KRT20: variants seen among roughly 807,000 people sequenced by gnomAD.
KRT20 encodes keratin 20.
A neutral mutation model predicts 43.0 loss-of-function variants in KRT20; 41 were observed. The ratio of observed to expected loss-of-function variants is 0.95; its 90% CI spans 0.74 to 1.24. The LOEUF (loss-of-function observed/expected upper bound fraction) is 1.24. KRT20 is among the 50% of genes most tolerant of loss of function. The probability of loss-of-function intolerance (pLI) is 0.00; values close to 1 mark genes in which losing one functional copy is unlikely to be tolerated. For missense variants in KRT20, 533 were observed against 521.2 expected (o/e 1.02, Z -0.22); for synonymous variants, 207 against 200.6 (o/e 1.03, Z -0.27).
rs1445609530 is a variant in KRT20 at position 40,875,966 on chromosome 17, G to C, written c.*395C>G. ...TTCAGAAACAGGAAAAAATTAGAAA[G>C]TGGTTTATTTGCAATTTACATGGAT... On this transcript the variant is annotated 3_prime_UTR_variant, in exon 8 of 8. Transcript: ENST00000167588. 1 of 156,244 alleles carries C rather than the reference G, an allele frequency of 6.4e-6. No homozygotes were observed. Among genetic ancestry groups the C allele is most frequent in the Non-Finnish European group, 1.4e-5 (1 of 70,826 alleles). The allele number at this position is 156,244 out of a possible 1,614,324, so 9.7% of individuals were successfully genotyped here.
In KRT20 at chr17:40,877,401, AC is replaced by A; in HGVS notation, c.1155del (p.Gln385HisfsTer2). ...TTACCTCTCTCTTCCAGGGTGCTTA[AC>A]TGATATTCTGTAGTTCTGTTTTTTT... ...EGEDVKTTEY[Q>X]LSTLEERDIK... On this transcript the variant is annotated frameshift_variant, in exon 7 of 8. Coordinates refer to ENST00000167588, the MANE Select transcript of KRT20 (RefSeq NM_019010.3). LOFTEE classifies it low-confidence loss of function (END_TRUNC). 6.6e-7 allele frequency: 1 copy of A among 1,526,100 alleles called. No individual in the cohort carries two copies. Among genetic ancestry groups the A allele is most frequent in the Non-Finnish European group, 8.7e-7 (1 of 1,147,010 alleles). The allele number at this position is 1,526,100 out of a possible 1,614,324, so 94.5% of individuals were successfully genotyped here. A position where few individuals can be genotyped will look rare whatever the true frequency, so the allele number is the denominator to read the frequency against.
In KRT20 at chr17:40,884,850, C is replaced by A. The variant is rs905996087; in HGVS notation, c.336G>T (p.Arg112Ser). Residue 112 changes from arginine (R) to serine (S), a missense_variant, in exon 1 of 8, where the codon AGG (arginine) becomes AGT (serine). By Grantham distance (110) the Arg-to-Ser change is moderately radical. Coordinates refer to ENST00000167588, the MANE Select transcript of KRT20 (RefSeq NM_019010.3). ...AATATGCACTGTAGTCGCGACCAGCCCTCGGGGCGTTGGTTTCGTACCACT... is the reference window on the plus strand; with the variant it reads ...AATATGCACTGTAGTCGCGACCAGCACTCGGGGCGTTGGTTTCGTACCACT... ...IKQWYETNAP[R>S]AGRDYSAYYR... 4 of 1,614,194 alleles carry A rather than the reference C, an allele frequency of 2.5e-6. No individual in the cohort carries two copies. Among genetic ancestry groups the A allele is most frequent in the Admixed American group, 1.7e-5 (1 of 60,018 alleles).
chr17:40,878,064 G>T (rs1199549726), intron 6 of KRT20, 81 bp downstream of exon 6: 7 of 1,184,726 alleles, frequency 5.9e-6, no homozygotes, highest in Non-Finnish European at 8.8e-6. Flanking sequence ...TTGCATTGGT[G>T]CTGGGTAATG....
At position 40,878,940 on chromosome 17, in the gene KRT20, T is replaced by C. The variant is rs188390976; in HGVS notation, c.919-575A>G. Among the ~76,000 whole-genome samples, 8 of 152,234 alleles carry C rather than the reference T, an allele frequency of 5.3e-5. No individual in the cohort carries two copies. In the East Asian group the frequency reaches 1.5e-3, roughly 29 times the overall value. ...CCTCAACCTCCCAAGTAGCTGGGAT[T>C]ACAGGCACACACCACCATGCCCAGC... On this transcript the variant is annotated intron_variant, in intron 5 of 7. Coordinates refer to ENST00000167588, the MANE Select transcript of KRT20 (RefSeq NM_019010.3).
Position 40,876,475 on chromosome 17 carries a change from C to T in KRT20, c.1178-17G>A, listed in dbSNP as rs373467146. Reference sequence around the variant, plus strand: ...TCTTTATATCTGAATTCATATTAAACATTAAATGTTAATTCAGGCACATGA... The same window carrying T: ...TCTTTATATCTGAATTCATATTAAATATTAAATGTTAATTCAGGCACATGA... On this transcript the variant is annotated splice_polypyrimidine_tract_variant and intron_variant, in intron 7 of 7. Transcript: ENST00000167588. 30 of 1,451,650 alleles carry T rather than the reference C, an allele frequency of 2.1e-5. No individual in the cohort carries two copies. The highest frequency in any genetic ancestry group is 2.9e-5 in the Non-Finnish European group (30 of 1,033,450). 89.9% of individuals were successfully genotyped at this position (1,451,650 alleles called of 1,614,324 possible).
Position 40,876,464 on chromosome 17 carries a change from T to A in KRT20, c.1178-6A>T. On this transcript the variant is annotated splice_region_variant and splice_polypyrimidine_tract_variant and intron_variant, in intron 7 of 7. Transcript: ENST00000167588. ...CTTCCTGGTTTTCTTTATATCTGAA[T>A]TCATATTAAACATTAAATGTTAATT... 1.9e-6 allele frequency: 3 copies of A among 1,554,136 alleles called. No individual in the cohort carries two copies. Among genetic ancestry groups the A allele is most frequent in the Non-Finnish European group, 1.8e-6 (2 of 1,125,776 alleles).
At chr17:40,884,485 T>C (rs569201558) in intron 1 of KRT20, among the ~76,000 whole-genome samples, 15 of 152,310 alleles carry the variant, frequency 9.8e-5, no homozygotes, top group African/African-American at 3.1e-4. Context: ...TTAGCTCTTT[T>C]CAGAAAGATT....
rs57044103 is a variant in KRT20, at chr17:40,882,689, TTTTA to T, written c.391-39_391-36del. The T allele has an allele frequency of 4.8e-3, 2,542 of 530,650 alleles. 25 individuals are homozygous for T. Among genetic ancestry groups the T allele is most frequent in the African/African-American group, 0.015 (655 of 44,024 alleles). The allele number at this position is 530,650 out of a possible 1,614,324, so 32.9% of individuals were successfully genotyped here. A position where few individuals can be genotyped will look rare whatever the true frequency, so the allele number is the denominator to read the frequency against. ...ACATGAGAAAGAATGACATTTTCTT[TTTTA>T]TTTATTTATTTATTTATTTATTTAT... On this transcript the variant is annotated intron_variant, in intron 1 of 7. Coordinates refer to ENST00000167588, the MANE Select transcript of KRT20 (RefSeq NM_019010.3).
intron 5 of KRT20, among the ~76,000 whole-genome samples, chr17:40,879,380 C>G (rs1907486846): frequency 6.6e-6 from 1 of 152,030 alleles, no homozygotes; most frequent in South Asian, 2.1e-4. Flanking sequence ...AGGGGAATAG[C>G]AGACATGGGG....
chr17:40,884,991 C>G lies in KRT20; in HGVS notation c.195G>C (p.Leu65=). The change falls in exon 1 of 8, where the codon CTG becomes CTC. Residue 65 remains leucine, a synonymous_variant. Transcript: ENST00000167588. Reference sequence around the variant, plus strand: ...TGGCCATTTTCTCATTGCCAACAAACAGGTCCCCGCCGCCTGTGAGATCGC... The same window carrying G: ...TGGCCATTTTCTCATTGCCAACAAAGAGGTCCCCGCCGCCTGTGAGATCGC... ...YGSDLTGGGD[L]FVGNEKMAMQ... is the part of the protein sequence containing the mutation. 1 of 1,614,206 alleles carries G rather than the reference C, an allele frequency of 6.2e-7. No homozygotes were observed. The highest frequency in any genetic ancestry group is 2.2e-5 in the East Asian group (1 of 44,880).
At position 40,884,922 on chromosome 17, in the gene KRT20, C is replaced by A; in HGVS notation, c.264G>T (p.Val88=). Residue 88 remains valine (V), a synonymous_variant, in exon 1 of 8, where the codon GTG becomes GTT. Transcript: ENST00000167588. Reference sequence around the variant, plus strand: ...TGGAGTTGGACTGCTCCAGGGTCCGCACCTTTTCTAGGTAGCTCGCTAGAC... The same window carrying A: ...TGGAGTTGGACTGCTCCAGGGTCCGAACCTTTTCTAGGTAGCTCGCTAGAC... ...NDRLASYLEK[V]RTLEQSNSKL... The A allele has an allele frequency of 6.2e-7, 1 of 1,614,222 alleles. No homozygotes were observed. Among genetic ancestry groups the A allele is most frequent in the Non-Finnish European group, 8.5e-7 (1 of 1,180,048 alleles).
intron 1 of KRT20, among the ~76,000 whole-genome samples, chr17:40,884,522 G>A (rs138362355): frequency 1.3e-5 from 2 of 152,304 alleles, no homozygotes; most frequent in East Asian, 3.9e-4. Context: ...GCCCTGATGT[G>A]ATAAGCTGTG....
At position 40,877,413 on chromosome 17, in the gene KRT20, T is replaced by C; in HGVS notation, c.1144A>G (p.Thr382Ala). 6.6e-7 allele frequency: 1 copy of C among 1,511,782 alleles called. No individual in the cohort carries two copies. Among genetic ancestry groups the C allele is most frequent in the Non-Finnish European group, 8.8e-7 (1 of 1,138,850 alleles). The allele number at this position is 1,511,782 out of a possible 1,614,324, so 93.6% of individuals were successfully genotyped here. Reference protein sequence around the residue: ...RLLEGEDVKTTEYQLSTLEER... With the variant: ...RLLEGEDVKTAEYQLSTLEER... ...TCCAGGGTGCTTAACTGATATTCTG[T>C]AGTTCTGTTTTTTTTTTTAATGAAA... The change falls in exon 7 of 8, where the codon ACA becomes GCA. Residue 382 changes from threonine to alanine, a missense_variant. Coordinates refer to ENST00000167588, the MANE Select transcript of KRT20 (RefSeq NM_019010.3).
chr17:40,876,329 A>G lies in KRT20; in HGVS notation c.*32T>C, dbSNP rs765611908. ...TAAGATTATAGCCAAATTTCTTTCA[A>G]AACCTCAGCAGCATCTCCTTCTGGT... On this transcript the variant is annotated 3_prime_UTR_variant, in exon 8 of 8. Coordinates refer to ENST00000167588, the MANE Select transcript of KRT20 (RefSeq NM_019010.3). The G allele has an allele frequency of 9.0e-6, 13 of 1,443,712 alleles. No individual in the cohort carries two copies. The African/African-American group carries it at 1.3e-4, about 14-fold the overall frequency. 89.4% of individuals were successfully genotyped at this position (1,443,712 alleles called of 1,614,324 possible).
chr17:40,877,734 C>G (rs528193990), intron 6 of KRT20, among the ~76,000 whole-genome samples: 1 of 152,256 alleles, frequency 6.6e-6, no homozygotes, highest in South Asian at 2.1e-4. Context: ...TATCTGAAGA[C>G]AGTTGCTGCT....
intron 6 of KRT20, 137 bp downstream of exon 6, chr17:40,878,008 G>A (rs768880908): frequency 5.3e-6 from 4 of 757,670 alleles, no homozygotes; most frequent in Admixed American, 2.3e-5. Flanking sequence ...TCGTTTTGTT[G>A]TTCGTGGTGA....
Position 40,880,815 on chromosome 17 carries a change from C to T in KRT20, c.474-45G>A, listed in dbSNP as rs199891324. ...CAGAGATAACTGGTCCTTCTGAAGC[C>T]ATTATAAGGAGAGAATCTAATATAA... On this transcript the variant is annotated intron_variant, in intron 2 of 7. Coordinates refer to ENST00000167588, the MANE Select transcript of KRT20 (RefSeq NM_019010.3). 40 of 1,404,456 alleles carry T rather than the reference C, an allele frequency of 2.8e-5. No individual in the cohort carries two copies. In the East Asian group the frequency reaches 9.9e-4, roughly 35 times the overall value. The allele number at this position is 1,404,456 out of a possible 1,614,324, so 87.0% of individuals were successfully genotyped here. A position where few individuals can be genotyped will look rare whatever the true frequency, so the allele number is the denominator to read the frequency against.
In KRT20 at chr17:40,876,149, T is replaced by G; in HGVS notation, c.*212A>C. 2.3e-6 allele frequency: 1 copy of G among 433,170 alleles called. No homozygotes were observed. Among genetic ancestry groups the G allele is most frequent in the South Asian group, 6.6e-5 (1 of 15,214 alleles). 26.8% of individuals were successfully genotyped at this position (433,170 alleles called of 1,614,324 possible). ...TTAAATATTCTAGTGCTCACTGGATTTCATTTTTGCAGGCAATTTGCAGCT... is the reference window on the plus strand; with the variant it reads ...TTAAATATTCTAGTGCTCACTGGATGTCATTTTTGCAGGCAATTTGCAGCT... On this transcript the variant is annotated 3_prime_UTR_variant, in exon 8 of 8. Coordinates refer to ENST00000167588, the MANE Select transcript of KRT20 (RefSeq NM_019010.3).
At chr17:40,882,195 G>A in intron 2 of KRT20, among the ~76,000 whole-genome samples, 1 of 152,146 alleles carries the variant, frequency 6.6e-6, no homozygotes, top group East Asian at 1.9e-4. Flanking sequence ...ACCAAGGGTA[G>A]ACACAAGACT....
Sources: gnomAD v4.1 joint callset for allele counts (sites outside exome capture counted in the v4.1 genomes callset) on GRCh38, gnomAD v4.1.1 for gene constraint, MANE v1.5 for transcripts, NCBI Gene and HGNC (gene_info 2026-07-23, HGNC 2026-07-21) for gene names.